TMTC2: variants seen among roughly 807,000 people sequenced by gnomAD.
TMTC2 encodes the protein transmembrane O-mannosyltransferase targeting cadherins 2, also known as protein O-mannosyl-transferase TMTC2.
A neutral mutation model predicts 82.4 loss-of-function variants in TMTC2; 43 were observed. The observed-to-expected ratio is 0.52, with a 90% CI of 0.41 to 0.67. The LOEUF is 0.67. TMTC2 is among the 30% of genes least tolerant of loss of function. The pLI is 0.00. For synonymous variants in TMTC2, 408 were observed against 381.9 expected (o/e 1.07, Z -0.80); for missense variants, 919 against 1,012.4 (o/e 0.91, Z 1.25).
chr12:83,057,883 A>AT (rs1490883902), intron 10 of TMTC2, among the ~76,000 whole-genome samples: 1 of 151,916 alleles, frequency 6.6e-6, no homozygotes, highest in African/African-American at 2.4e-5. Flanking sequence ...AAATGCCACT[A>AT]GTTTTTATTA....
chr12:83,033,058 G>A (rs967146606), intron 9 of TMTC2, among the ~76,000 whole-genome samples: 1 of 152,062 alleles, frequency 6.6e-6, no homozygotes, highest in African/African-American at 2.4e-5. Context: ...CATAATGTTA[G>A]GTATTTTATG....
chr12:82,882,362 T>C lies in TMTC2; in HGVS notation c.655-13456T>C, dbSNP rs909614551. The stretch of plus-strand genomic sequence containing the variant: ...TATCAGTACTTTACCCCTTCTCACA[T>C]ATCTTTCTATATCAAAGGGAGCAAA... On this transcript the variant is annotated intron_variant, in intron 2 of 11. Coordinates refer to ENST00000321196, the MANE Select transcript of TMTC2 (RefSeq NM_152588.3). 3.9e-5 allele frequency among the ~76,000 whole-genome samples: 6 copies of C among 152,216 alleles called. No individual in the cohort carries two copies. The South Asian group carries it at 1.2e-3, about 32-fold the overall frequency.
At chr12:82,999,630 G>C (rs1198329076) in intron 8 of TMTC2, among the ~76,000 whole-genome samples, 1 of 152,170 alleles carries the variant, frequency 6.6e-6, no homozygotes, top group Non-Finnish European at 1.5e-5. Flanking sequence ...CAAAGAGAGA[G>C]AGAGAGAGAG....
At chr12:82,819,728 C>T (rs531921986) in intron 1 of TMTC2, among the ~76,000 whole-genome samples, 2 of 151,998 alleles carry the variant, frequency 1.3e-5, no homozygotes, top group South Asian at 4.2e-4. Flanking sequence ...GTCTCAAACT[C>T]CTGAACTCAG....
intron 1 of TMTC2, among the ~76,000 whole-genome samples, chr12:82,739,951 A>G (rs1875314167): frequency 6.6e-6 from 1 of 152,004 alleles, no homozygotes; most frequent in East Asian, 1.9e-4. Flanking sequence ...TAAAGATGAA[A>G]TGGAACATGT....
At chr12:83,019,946 G>A (rs116025692) in intron 8 of TMTC2, among the ~76,000 whole-genome samples, 1 of 152,088 alleles carries the variant, frequency 6.6e-6, no homozygotes, top group Non-Finnish European at 1.5e-5. Flanking sequence ...ACTCCCCTCT[G>A]CCTCACTCAA....
chr12:82,781,356 G>A (rs1412925701), intron 1 of TMTC2, among the ~76,000 whole-genome samples: 1 of 148,952 alleles, frequency 6.7e-6, no homozygotes, highest in Non-Finnish European at 1.5e-5. Flanking sequence ...TAAGAAAAGG[G>A]TTCTTTGTCA....
intron 8 of TMTC2, among the ~76,000 whole-genome samples, chr12:83,007,147 G>A (rs1880242860): frequency 6.6e-6 from 1 of 151,708 alleles, no homozygotes; most frequent in Admixed American, 6.6e-5. Context: ...AACTCTCAGT[G>A]TTGTTGTTAT....
At chr12:83,129,419 G>A (rs1247819425) in intron 11 of TMTC2, among the ~76,000 whole-genome samples, 1 of 152,138 alleles carries the variant, frequency 6.6e-6, no homozygotes, top group East Asian at 1.9e-4. Context: ...CATCAGAACA[G>A]ATTTAACTTC....
intron 9 of TMTC2, among the ~76,000 whole-genome samples, chr12:83,046,460 TTCTG>T (rs1227861164): frequency 6.6e-6 from 1 of 152,152 alleles, no homozygotes; most frequent in African/African-American, 2.4e-5. Flanking sequence ...CTCCAGGTCA[TTCTG>T]TTGTGCTCTA....
chr12:82,778,978 A>C (rs993208186), intron 1 of TMTC2, among the ~76,000 whole-genome samples: 2 of 149,516 alleles, frequency 1.3e-5, no homozygotes, highest in African/African-American at 4.9e-5. Context: ...TGGAGGTTGC[A>C]GTGAGCCAGG....
chr12:82,998,692 T>C (rs1879783625), intron 8 of TMTC2, among the ~76,000 whole-genome samples: 1 of 152,168 alleles, frequency 6.6e-6, no homozygotes, highest in Non-Finnish European at 1.5e-5. Context: ...TTTGAGATTT[T>C]TCCTTTAACT....
At chr12:82,771,206 C>T (rs1318623545) in intron 1 of TMTC2, among the ~76,000 whole-genome samples, 1 of 87,026 alleles carries the variant, frequency 1.1e-5, no homozygotes, top group Non-Finnish European at 2.5e-5. Context: ...GACTCTGTCT[C>T]AAAAAAAAAA....
intron 2 of TMTC2, among the ~76,000 whole-genome samples, chr12:82,887,278 A>G (rs2137165250): frequency 6.6e-6 from 1 of 152,334 alleles, no homozygotes. Context: ...CTGAGATCAG[A>G]AGACAATATT....
At chr12:83,014,933 G>A (rs1398583259) in intron 8 of TMTC2, among the ~76,000 whole-genome samples, 3 of 152,036 alleles carry the variant, frequency 2.0e-5, no homozygotes, top group Non-Finnish European at 4.4e-5. Flanking sequence ...CTCATTGAGA[G>A]GTATGATATT....
chr12:82,868,440 A>G (rs554989138), intron 2 of TMTC2, among the ~76,000 whole-genome samples: 2 of 152,308 alleles, frequency 1.3e-5, no homozygotes, highest in East Asian at 1.9e-4. Flanking sequence ...ATTGAGATTG[A>G]TAACAAGTAC....
At chr12:82,727,965 G>T (rs757942514) in intron 1 of TMTC2, among the ~76,000 whole-genome samples, 1 of 152,040 alleles carries the variant, frequency 6.6e-6, no homozygotes, top group Non-Finnish European at 1.5e-5. Flanking sequence ...CACTCTTGAG[G>T]TATAGTTTCA....
At chr12:82,875,167 A>T (rs945513707) in intron 2 of TMTC2, among the ~76,000 whole-genome samples, 1 of 152,206 alleles carries the variant, frequency 6.6e-6, no homozygotes, top group Non-Finnish European at 1.5e-5. Flanking sequence ...TGCTAAACTC[A>T]TATGTATGAG....
rs1880458902 is a variant in TMTC2, at chr12:83,011,523, C to T, written c.2071-19275C>T. Among the ~76,000 whole-genome samples the T allele has an allele frequency of 2.0e-5, 3 of 152,200 alleles. No homozygotes were observed. The South Asian group carries it at 6.2e-4, about 31-fold the overall frequency. ...CATTGTTATTTATGTCTTTGTATGG[C>T]ATGGAACATTGCTAATTATTTGACC... On this transcript the variant is annotated intron_variant, in intron 8 of 11. Transcript: ENST00000321196.
Sources: gnomAD v4.1 joint callset for allele counts (sites outside exome capture counted in the v4.1 genomes callset) on GRCh38, gnomAD v4.1.1 for gene constraint, MANE v1.5 for transcripts, NCBI Gene and HGNC (gene_info 2026-07-23, HGNC 2026-07-21) for gene names.